The following KCNAB1 variants were observed in gnomAD, a reference collection of about 807,000 sequenced individuals.
KCNAB1 encodes the protein potassium voltage-gated channel subfamily A regulatory beta subunit 1, also known as voltage-gated potassium channel subunit beta-1.
In KCNAB1, 35 loss-of-function variants were observed where a neutral mutation model predicts 64.6. That is an observed-to-expected ratio of 0.54 (90% confidence interval 0.41 to 0.72). The LOEUF (loss-of-function observed/expected upper bound fraction) is 0.72. Ranked by LOEUF, KCNAB1 falls within the 30% of genes least tolerant of loss-of-function variation. KCNAB1 has a pLI of 0.00. For missense variants in KCNAB1, 401 were observed against 512.9 expected (o/e 0.78, Z 2.11); for synonymous variants, 177 against 183.8 (o/e 0.96, Z 0.30).
chr3:156,360,332 A>G (rs534137064), intron 1 of KCNAB1, among the ~76,000 whole-genome samples: 40 of 152,204 alleles, frequency 2.6e-4, no homozygotes, highest in African/African-American at 8.7e-4. Context: ...CTCCTGACTC[A>G]CCATCCCAAC....
chr3:156,423,625 T>C (rs953223523), intron 2 of KCNAB1, among the ~76,000 whole-genome samples: 1 of 152,204 alleles, frequency 6.6e-6, no homozygotes. Flanking sequence ...ATGATTAAAT[T>C]TGAAGTGAGA....
chr3:156,486,246 A>C (rs952143834), intron 8 of KCNAB1, among the ~76,000 whole-genome samples: 4 of 151,986 alleles, frequency 2.6e-5, no homozygotes, highest in Non-Finnish European at 5.9e-5. Context: ...CTCTTTCTTT[A>C]GGAGTTGGTT....
At chr3:156,189,166 A>G (rs1283607923) in intron 1 of KCNAB1, among the ~76,000 whole-genome samples, 2 of 152,212 alleles carry the variant, frequency 1.3e-5, no homozygotes. Context: ...GTTTCTGACT[A>G]GGAGCTGTAA....
chr3:156,372,686 A>G (rs1726395511), intron 1 of KCNAB1, among the ~76,000 whole-genome samples: 1 of 152,228 alleles, frequency 6.6e-6, no homozygotes, highest in South Asian at 2.1e-4. Flanking sequence ...TTTGCCAGGT[A>G]GAGGAAGATG....
intron 1 of KCNAB1, among the ~76,000 whole-genome samples, chr3:156,130,475 C>T (rs545832500): frequency 2.0e-5 from 3 of 152,270 alleles, no homozygotes; most frequent in East Asian, 1.9e-4. Context: ...TGATTCCTTC[C>T]CAATGATCCA....
At chr3:156,525,046 A>C (rs781629138) in intron 12 of KCNAB1, among the ~76,000 whole-genome samples, 19 of 152,228 alleles carry the variant, frequency 1.2e-4, no homozygotes, top group Non-Finnish European at 1.9e-4. Flanking sequence ...AATCATGTAC[A>C]GTACATAATA....
At chr3:156,129,178 T>C (rs192740072) in intron 1 of KCNAB1, among the ~76,000 whole-genome samples, 1 of 151,960 alleles carries the variant, frequency 6.6e-6, no homozygotes, top group Non-Finnish European at 1.5e-5. Flanking sequence ...TCTTTTCCCA[T>C]TAAGGGGATG....
rs1184541533 is a variant in KCNAB1, at chr3:156,244,104, C to T, written c.275+123218C>T. 3.3e-5 allele frequency among the ~76,000 whole-genome samples: 5 copies of T among 152,182 alleles called. No individual in the cohort carries two copies. In the East Asian group the frequency reaches 9.6e-4, roughly 29 times the overall value. ...TTCCTAGAGCTGCTGTAACAAATGA[C>T]AACAAATTTAGTGGCTTAAAACAAC... is the stretch of plus-strand genomic sequence containing the variant. On this transcript the variant is annotated intron_variant, in intron 1 of 13. Coordinates refer to ENST00000490337, the MANE Select transcript of KCNAB1 (RefSeq NM_172160.3).
At chr3:156,250,590 T>C (rs1040519677) in intron 1 of KCNAB1, among the ~76,000 whole-genome samples, 1 of 152,176 alleles carries the variant, frequency 6.6e-6, no homozygotes, top group South Asian at 2.1e-4. Context: ...TGAGAAGACA[T>C]TCTCTTTTTT....
At chr3:156,316,490 A>T (rs1722286103) in intron 1 of KCNAB1, among the ~76,000 whole-genome samples, 1 of 152,252 alleles carries the variant, frequency 6.6e-6, no homozygotes, top group African/African-American at 2.4e-5. Context: ...CAATCTATAA[A>T]ATGGGAACTG....
rs576374537 is a variant in KCNAB1 at position 156,209,394 on chromosome 3, A to C, written c.275+88508A>C. ...GGAGAATGCTCTCCTTTAGGGGAAA[A>C]GGTCATGAAAGGGCTCCTGCCTATG... On this transcript the variant is annotated intron_variant, in intron 1 of 13. Coordinates refer to ENST00000490337, the MANE Select transcript of KCNAB1 (RefSeq NM_172160.3). Among the ~76,000 whole-genome samples, 4 of 152,342 alleles carry C rather than the reference A, an allele frequency of 2.6e-5. No homozygotes were observed. The East Asian group carries it at 7.7e-4, about 29-fold the overall frequency.
intron 1 of KCNAB1, among the ~76,000 whole-genome samples, chr3:156,220,940 G>A (rs1258798423): frequency 6.6e-6 from 1 of 152,210 alleles, no homozygotes; most frequent in East Asian, 1.9e-4. Flanking sequence ...CATATGGATA[G>A]CCAGTTTCCC....
At chr3:156,194,907 C>T (rs887075196) in intron 1 of KCNAB1, among the ~76,000 whole-genome samples, 6 of 151,866 alleles carry the variant, frequency 4.0e-5, no homozygotes, top group African/African-American at 7.2e-5. Flanking sequence ...GGATGCATTA[C>T]GTATTTGTCC....
At chr3:156,205,277 T>G (rs1036409694) in intron 1 of KCNAB1, among the ~76,000 whole-genome samples, 1 of 152,188 alleles carries the variant, frequency 6.6e-6, no homozygotes, top group South Asian at 2.1e-4. Context: ...CATTTAAACA[T>G]CCACCTTGGT....
chr3:156,334,801 G>A (rs531604701), intron 1 of KCNAB1, among the ~76,000 whole-genome samples: 1 of 152,192 alleles, frequency 6.6e-6, no homozygotes, highest in African/African-American at 2.4e-5. Context: ...TCTGGTATCT[G>A]GGACCCTGGC....
intron 1 of KCNAB1, among the ~76,000 whole-genome samples, chr3:156,353,332 T>C (rs1369774972): frequency 2.0e-5 from 3 of 152,318 alleles, no homozygotes; most frequent in African/African-American, 7.2e-5. Flanking sequence ...AGTTCCTATG[T>C]GTACAGGCAG....
chr3:156,360,213 C>T (rs73016002), intron 1 of KCNAB1, among the ~76,000 whole-genome samples: 16,787 of 152,156 alleles, frequency 0.11, 3,063 homozygotes, highest in African/African-American at 0.38. Flanking sequence ...ATCATTGCAT[C>T]GAGCCTGAGT....
chr3:156,430,827 C>T (rs1054653231), intron 2 of KCNAB1, among the ~76,000 whole-genome samples: 20 of 152,262 alleles, frequency 1.3e-4, no homozygotes, highest in South Asian at 4.2e-4. Context: ...GGGCCCCTTG[C>T]GTCTCTCACA....
chr3:156,182,634 C>CCG (rs538020265), intron 1 of KCNAB1, among the ~76,000 whole-genome samples: 156 of 151,794 alleles, frequency 1.0e-3, no homozygotes, highest in Middle Eastern at 3.4e-3. Context: ...TTTTTTCCCC[C>CCG]CCCCGGGTCT....
Sources: allele counts gnomAD v4.1 joint callset (sites outside exome capture counted in the v4.1 genomes callset), GRCh38; gene constraint gnomAD v4.1.1; transcripts MANE v1.5; gene names NCBI Gene and HGNC (gene_info 2026-07-23, HGNC 2026-07-21).